Variants in ESYT2 observed in about 807,000 individuals in gnomAD.
The protein encoded by ESYT2 is extended synaptotagmin 2, also known as extended synaptotagmin-2.
In ESYT2, 54 loss-of-function variants were observed where a neutral mutation model predicts 107.2. That is an observed-to-expected ratio of 0.50 (90% confidence interval 0.40 to 0.63). The LOEUF is 0.63. Ranked by LOEUF, ESYT2 falls within the 30% of genes least tolerant of loss-of-function variation. The pLI, the probability that ESYT2 is intolerant of heterozygous loss-of-function variation, is 0.00. For synonymous variants in ESYT2, 491 were observed against 434.1 expected, an observed-to-expected ratio of 1.13 and a Z score of -1.63; for missense variants, 1,020 against 1,094.5, an observed-to-expected ratio of 0.93 and a Z score of 0.96.
In ESYT2 at chr7:158,788,001, T is replaced by C. The variant is rs934439133; in HGVS notation, c.747+3A>G. Reference sequence around the variant, plus strand: ...AATAAAAATGAAATAAATATTGACTTACTGGTTTCCTAAGGAAGAAGATAG... The same window carrying C: ...AATAAAAATGAAATAAATATTGACTCACTGGTTTCCTAAGGAAGAAGATAG... On this transcript the variant is annotated splice_donor_region_variant and intron_variant, in intron 6 of 22. Transcript: ENST00000275418. The C allele has an allele frequency of 6.2e-7, 1 of 1,609,238 alleles. No homozygotes were observed. Among genetic ancestry groups the C allele is most frequent in the Admixed American group, 1.7e-5 (1 of 59,962 alleles).
intron 1 of ESYT2, among the ~76,000 whole-genome samples, chr7:158,828,621 C>T (rs2129474547): frequency 6.6e-6 from 1 of 152,220 alleles, no homozygotes; most frequent in African/African-American, 2.4e-5. Context: ...GGAGCCTGGG[C>T]GGGCGGGGAA....
At chr7:158,770,285 C>T (rs894627947) in intron 7 of ESYT2, among the ~76,000 whole-genome samples, 2 of 150,240 alleles carry the variant, frequency 1.3e-5, no homozygotes, top group Non-Finnish European at 3.0e-5. Context: ...CCCAATTTTA[C>T]GTACATATCT....
chr7:158,739,638 G>A (rs911212973), intron 18 of ESYT2, among the ~76,000 whole-genome samples: 3 of 152,118 alleles, frequency 2.0e-5, no homozygotes, highest in South Asian at 2.1e-4. Context: ...GTGAGCCATC[G>A]CGTCCAGCCA....
At chr7:158,749,137 T>C (rs552697570) in intron 15 of ESYT2, among the ~76,000 whole-genome samples, 2 of 152,252 alleles carry the variant, frequency 1.3e-5, no homozygotes, top group East Asian at 1.9e-4. Flanking sequence ...GACAGAGTCT[T>C]GCTCTGTCAC....
chr7:158,759,955 T>TA, intron 12 of ESYT2, 103 bp downstream of exon 12: 1 of 980,520 alleles, frequency 1.0e-6, no homozygotes, highest in Non-Finnish European at 1.6e-6. Flanking sequence ...AAATTACTGC[T>TA]ATAATTGTTA....
chr7:158,814,319 ATATATATATATATATATATATATATATG>A (rs1294808627), intron 1 of ESYT2, among the ~76,000 whole-genome samples: 428 of 9,706 alleles, frequency 0.044, 55 homozygotes, highest in South Asian at 0.088. Context: ...ATATATATAT[ATATATATATATATATATATATATATATG>A]AAATAATATA....
intron 13 of ESYT2, among the ~76,000 whole-genome samples, chr7:158,756,631 G>A (rs1314196657): frequency 2.6e-5 from 4 of 152,124 alleles, no homozygotes; most frequent in Non-Finnish European, 4.4e-5. Context: ...ATAATAGGCC[G>A]GGCATGGTGG....
chr7:158,799,739 C>G (rs954087971), intron 1 of ESYT2, among the ~76,000 whole-genome samples: 1 of 152,186 alleles, frequency 6.6e-6, no homozygotes, highest in South Asian at 2.1e-4. Context: ...GGCTCCTCTC[C>G]ATACCATCAT....
chr7:158,734,043 A>C lies in ESYT2; in HGVS notation c.*164T>G. On this transcript the variant is annotated 3_prime_UTR_variant, in exon 23 of 23. Coordinates refer to ENST00000275418, the MANE Select transcript of ESYT2 (RefSeq NM_001367773.1). ...CCAACACAGAAAATTCAATGATAAT[A>C]TTGGCCAAATTTGCCTGAAATGTCA... 3 of 798,662 alleles carry C rather than the reference A, an allele frequency of 3.8e-6. No individual in the cohort carries two copies. The highest frequency in any genetic ancestry group is 5.8e-6 in the Non-Finnish European group (3 of 517,480). 49.5% of individuals were successfully genotyped at this position (798,662 alleles called of 1,614,324 possible).
At chr7:158,784,376 C>G (rs1003171387) in intron 6 of ESYT2, among the ~76,000 whole-genome samples, 3 of 152,208 alleles carry the variant, frequency 2.0e-5, no homozygotes, top group Non-Finnish European at 2.9e-5. Flanking sequence ...CCTCCTACCC[C>G]CAGCTGGTCC....
At chr7:158,773,013 A>G (rs1838429758) in intron 7 of ESYT2, among the ~76,000 whole-genome samples, 1 of 152,074 alleles carries the variant, frequency 6.6e-6, no homozygotes, top group Non-Finnish European at 1.5e-5. Flanking sequence ...AAATTTGCAA[A>G]CTGTTTTTAC....
chr7:158,762,357 G>A (rs892558376), intron 10 of ESYT2, among the ~76,000 whole-genome samples: 1 of 152,056 alleles, frequency 6.6e-6, no homozygotes, highest in African/African-American at 2.4e-5. Flanking sequence ...GATCTATCCT[G>A]TCTGGCTTAA....
intron 3 of ESYT2, among the ~76,000 whole-genome samples, chr7:158,796,104 C>T (rs1376834937): frequency 6.6e-6 from 1 of 152,224 alleles, no homozygotes; most frequent in Non-Finnish European, 1.5e-5. Flanking sequence ...TCTATCACAA[C>T]CCTGAACCGC....
At chr7:158,737,013 G>A (rs6960873) in intron 20 of ESYT2, 35 bp downstream of exon 20, 306,761 of 1,607,698 alleles carry the variant, frequency 0.19, 34,759 homozygotes, top group East Asian at 0.56. Flanking sequence ...CACTTCAACC[G>A]GGCAGTCTAT....
chr7:158,786,248 C>T (rs190341745), intron 6 of ESYT2, among the ~76,000 whole-genome samples: 27 of 152,250 alleles, frequency 1.8e-4, no homozygotes, highest in South Asian at 2.1e-4. Context: ...ATTTGGATTT[C>T]GTTACATTCT....
intron 14 of ESYT2, 106 bp from the exon 15 acceptor site, chr7:158,749,829 C>A: frequency 1.0e-6 from 1 of 999,592 alleles, no homozygotes; most frequent in South Asian, 1.6e-5. Flanking sequence ...TTTTATTTAT[C>A]TCTGATATTT....
chr7:158,746,061 T>A (rs138992227), intron 16 of ESYT2, among the ~76,000 whole-genome samples: 1 of 151,850 alleles, frequency 6.6e-6, no homozygotes, highest in Non-Finnish European at 1.5e-5. Context: ...TCAATAAACA[T>A]CTTGTAAGAC....
intron 6 of ESYT2, among the ~76,000 whole-genome samples, chr7:158,779,089 T>G (rs1838678376): frequency 6.6e-6 from 1 of 152,208 alleles, no homozygotes; most frequent in African/African-American, 2.4e-5. Context: ...TTAATGCTCC[T>G]CTTGTAGGCA....
At chr7:158,748,694 A>G (rs1837485264) in intron 15 of ESYT2, among the ~76,000 whole-genome samples, 2 of 151,594 alleles carry the variant, frequency 1.3e-5, no homozygotes, top group East Asian at 3.9e-4. Context: ...AACTTCGGGC[A>G]ATTTCTTTCT....
Sources: gnomAD v4.1 joint callset for allele counts (sites outside exome capture counted in the v4.1 genomes callset) on GRCh38, gnomAD v4.1.1 for gene constraint, MANE v1.5 for transcripts, NCBI Gene and HGNC (gene_info 2026-07-23, HGNC 2026-07-21) for gene names.